The following MTHFS variants were observed in gnomAD, a reference collection of about 807,000 sequenced individuals.
MTHFS encodes methenyltetrahydrofolate synthetase, also known as 5-formyltetrahydrofolate cyclo-ligase.
Under a neutral mutation model 12.7 loss-of-function variants are expected in MTHFS, and 7 were observed. The ratio of observed to expected loss-of-function variants is 0.55; its 90% confidence interval spans 0.31 to 1.03. The LOEUF is 1.03. Ranked by LOEUF, MTHFS falls within the 50% of genes least tolerant of loss-of-function variation. The pLI is 0.05. For synonymous variants in MTHFS, 100 were observed against 97.1 expected, an observed-to-expected ratio of 1.03 and a Z score of -0.18; for missense variants, 252 against 258.1, an observed-to-expected ratio of 0.98 and a Z score of 0.16.
In MTHFS at chr15:79,851,250, T is replaced by C. The variant is rs1466408089; in HGVS notation, c.380-5808A>G. Among the ~76,000 whole-genome samples, 4 of 152,202 alleles carry C rather than the reference T, an allele frequency of 2.6e-5. No homozygotes were observed. The East Asian group carries it at 5.8e-4, about 22-fold the overall frequency. The stretch of plus-strand genomic sequence containing the variant: ...TTTGGTGTGACCAGCTCTTATCCTA[T>C]ACTGTAAGAATGCCTGTGGTCCATT... On this transcript the variant is annotated intron_variant, in intron 2 of 2. Coordinates refer to ENST00000258874, the MANE Select transcript of MTHFS (RefSeq NM_006441.4).
intron 2 of MTHFS, among the ~76,000 whole-genome samples, chr15:79,847,626 C>T (rs148475112): frequency 4.3e-4 from 61 of 141,296 alleles, no homozygotes; most frequent in African/African-American, 1.5e-3. Context: ...GGAGCTATTG[C>T]GCCACTGCAC....
chr15:79,874,713 G>C (rs535490900), intron 2 of MTHFS, among the ~76,000 whole-genome samples: 2 of 152,242 alleles, frequency 1.3e-5, no homozygotes, highest in South Asian at 4.1e-4. Context: ...CCTTTGAAAA[G>C]CTCCGACATA....
intron 2 of MTHFS, among the ~76,000 whole-genome samples, chr15:79,857,472 A>C (rs754467536): frequency 6.6e-6 from 1 of 152,158 alleles, no homozygotes; most frequent in Admixed American, 6.5e-5. Context: ...TACACAGTAC[A>C]TTATATTTCT....
chr15:79,863,576 G>A (rs538295994), intron 2 of MTHFS, among the ~76,000 whole-genome samples: 1 of 152,230 alleles, frequency 6.6e-6, no homozygotes, highest in East Asian at 1.9e-4. Context: ...TTACTCAGGA[G>A]GCCATGAATC....
Position 79,849,711 on chromosome 15 carries a change from T to C in MTHFS, c.380-4269A>G, listed in dbSNP as rs191797445. Among the ~76,000 whole-genome samples, 6 of 152,372 alleles carry C rather than the reference T, an allele frequency of 3.9e-5. No homozygotes were observed. In the East Asian group the frequency reaches 1.2e-3, roughly 29 times the overall value. Reference sequence around the variant, plus strand: ...GTGCAATGTGCAAGAGCCAACCTGCTCTGATTTTAATCCTGTGTGCACTTG... The same window carrying C: ...GTGCAATGTGCAAGAGCCAACCTGCCCTGATTTTAATCCTGTGTGCACTTG... On this transcript the variant is annotated intron_variant, in intron 2 of 2. Coordinates refer to ENST00000258874, the MANE Select transcript of MTHFS (RefSeq NM_006441.4).
chr15:79,875,988 A>G (rs1187050748), intron 2 of MTHFS: 1 of 152,122 alleles, frequency 6.6e-6, no homozygotes, highest in Admixed American at 6.5e-5. Context: ...AAAAATAAAT[A>G]AGCACACAAA....
chr15:79,884,725 A>AT (rs59822495), intron 2 of MTHFS, among the ~76,000 whole-genome samples: 1,525 of 152,328 alleles, frequency 0.01, 24 homozygotes, highest in African/African-American at 0.035. Context: ...ATAAGAATGA[A>AT]TTTAGACATG....
At chr15:79,896,623 C>A (rs1052863729) in intron 1 of MTHFS, among the ~76,000 whole-genome samples, 3 of 152,210 alleles carry the variant, frequency 2.0e-5, no homozygotes, top group Non-Finnish European at 4.4e-5. Flanking sequence ...ATCTGTCAAC[C>A]CCTGCCGTCC....
At chr15:79,882,177 T>C (rs183197219) in intron 2 of MTHFS, among the ~76,000 whole-genome samples, 2 of 152,252 alleles carry the variant, frequency 1.3e-5, no homozygotes, top group African/African-American at 4.8e-5. Context: ...ACACTTTCAA[T>C]GAGAAGATAA....
intron 2 of MTHFS, among the ~76,000 whole-genome samples, chr15:79,884,278 A>C (rs955208651): frequency 1.3e-5 from 2 of 152,200 alleles, no homozygotes; most frequent in Admixed American, 1.3e-4. Flanking sequence ...ACTTTGGCTG[A>C]AATAAGGAGC....
intron 2 of MTHFS, among the ~76,000 whole-genome samples, chr15:79,859,817 CAA>C (rs368106807): frequency 0.12 from 6,756 of 58,518 alleles, 216 homozygotes; most frequent in East Asian, 0.33. Flanking sequence ...GAATACATGT[CAA>C]AAAAAAAAAA....
intron 2 of MTHFS, among the ~76,000 whole-genome samples, chr15:79,852,157 A>G (rs531805824): frequency 1.3e-5 from 2 of 152,280 alleles, no homozygotes; most frequent in Non-Finnish European, 2.9e-5. Flanking sequence ...AAAATACAGA[A>G]CCAATAATTC....
At chr15:79,896,834 T>A in intron 1 of MTHFS, 38 bp downstream of exon 1, 1 of 1,534,770 alleles carries the variant, frequency 6.5e-7, no homozygotes, top group Non-Finnish European at 8.7e-7. Context: ...CTTCGGAGGG[T>A]CTGTCCGCCG....
intron 2 of MTHFS, among the ~76,000 whole-genome samples, chr15:79,853,891 C>T (rs2033756976): frequency 6.6e-6 from 1 of 152,216 alleles, no homozygotes; most frequent in Non-Finnish European, 1.5e-5. Flanking sequence ...AATGAAGTTG[C>T]TCTTTTATAA....
intron 1 of MTHFS, among the ~76,000 whole-genome samples, chr15:79,896,504 A>G (rs1051497803): frequency 6.6e-6 from 1 of 152,080 alleles, no homozygotes; most frequent in Non-Finnish European, 1.5e-5. Flanking sequence ...CTCCTCTACC[A>G]CAACTTTCTG....
intron 2 of MTHFS, among the ~76,000 whole-genome samples, chr15:79,881,417 G>C (rs573749030): frequency 1.3e-5 from 2 of 152,254 alleles, no homozygotes; most frequent in South Asian, 4.1e-4. Context: ...TCTGAAATGA[G>C]GATATATTCT....
intron 1 of MTHFS, 64 bp downstream of exon 1, chr15:79,896,808 T>C (rs1204455065): frequency 4.8e-6 from 7 of 1,451,722 alleles, no homozygotes; most frequent in African/African-American, 2.8e-5. Context: ...AGATCAGCAA[T>C]CGCTGGCCGC....
chr15:79,865,974 T>C (rs1329126551), intron 2 of MTHFS, among the ~76,000 whole-genome samples: 1 of 151,678 alleles, frequency 6.6e-6, no homozygotes, highest in Non-Finnish European at 1.5e-5. Flanking sequence ...GAACTACCAA[T>C]AGCAGGCAAA....
rs138189367 is a variant in MTHFS at position 79,859,520 on chromosome 15, T to C, written c.380-14078A>G. Among the ~76,000 whole-genome samples the C allele has an allele frequency of 6.9e-3, 1,049 of 152,274 alleles. 6 individuals carry two copies. The highest frequency in any genetic ancestry group is 0.012 in the Non-Finnish European group (820 of 68,006). On this transcript the variant is annotated intron_variant, in intron 2 of 2. Transcript: ENST00000258874. ...TTCGGACACCTGGCTAACATTTCTT[T>C]ATAAAACATATTCTCAGCCAGGGGC...
Sources: allele counts gnomAD v4.1 joint callset (sites outside exome capture counted in the v4.1 genomes callset), GRCh38; gene constraint gnomAD v4.1.1; transcripts MANE v1.5; gene names NCBI Gene and HGNC (gene_info 2026-07-23, HGNC 2026-07-21).